DGKB: variants seen among roughly 807,000 people sequenced by gnomAD.
DGKB encodes 90 kDa diacylglycerol kinase.
A neutral mutation model predicts 114.3 loss-of-function variants in DGKB; 67 were observed. The observed-to-expected ratio is 0.59, with a 90% CI of 0.48 to 0.72. The LOEUF is 0.72. Among genes scored for constraint, DGKB ranks in the 30% least tolerant of loss-of-function variants. The pLI is 0.00. For synonymous variants in DGKB, 398 were observed against 323.1 expected (o/e 1.23, Z -2.49); for missense variants, 907 against 975.2 (o/e 0.93, Z 0.93).
At chr7:14,438,023 C>T (rs1829537525) in intron 21 of DGKB, among the ~76,000 whole-genome samples, 1 of 151,622 alleles carries the variant, frequency 6.6e-6, no homozygotes, top group African/African-American at 2.4e-5. Flanking sequence ...ATGACAAAGC[C>T]TTATTATCTA....
At chr7:14,475,654 A>T (rs1337079294) in intron 21 of DGKB, among the ~76,000 whole-genome samples, 2 of 152,048 alleles carry the variant, frequency 1.3e-5, no homozygotes, top group Non-Finnish European at 2.9e-5. Flanking sequence ...TCTAGCAAAG[A>T]CTCCCTATAA....
intron 9 of DGKB, among the ~76,000 whole-genome samples, chr7:14,693,403 T>C (rs886992618): frequency 2.6e-5 from 4 of 152,058 alleles, no homozygotes; most frequent in African/African-American, 9.7e-5. Flanking sequence ...CATTATTATA[T>C]TACATTCTCA....
chr7:14,388,901 T>C (rs1478247534), intron 21 of DGKB, among the ~76,000 whole-genome samples: 6 of 152,300 alleles, frequency 3.9e-5, no homozygotes, highest in East Asian at 1.9e-4. Context: ...AGGGCTTTTA[T>C]ATAGAATTTC....
intron 21 of DGKB, among the ~76,000 whole-genome samples, chr7:14,369,313 T>C (rs1256473900): frequency 2.0e-5 from 3 of 152,186 alleles, no homozygotes; most frequent in African/African-American, 7.2e-5. Context: ...CTTTATCCAG[T>C]CTATCATTGA....
intron 14 of DGKB, among the ~76,000 whole-genome samples, 193 bp downstream of exon 14, chr7:14,630,043 A>G (rs552949495): frequency 6.6e-6 from 1 of 152,206 alleles, no homozygotes; most frequent in African/African-American, 2.4e-5. Flanking sequence ...ATATAGATGG[A>G]AAATTCTTCA....
chr7:14,351,279 A>G (rs944569177), intron 21 of DGKB, among the ~76,000 whole-genome samples: 5 of 152,202 alleles, frequency 3.3e-5, no homozygotes, highest in African/African-American at 1.2e-4. Flanking sequence ...TTTAAAAAAT[A>G]CACCACAAGT....
At chr7:14,243,224 A>C (rs989349585) in intron 23 of DGKB, among the ~76,000 whole-genome samples, 1 of 152,194 alleles carries the variant, frequency 6.6e-6, no homozygotes, top group Non-Finnish European at 1.5e-5. Context: ...AATGTTGCCA[A>C]AACTATGCCC....
chr7:14,292,951 C>T (rs961668180), intron 23 of DGKB, among the ~76,000 whole-genome samples: 3 of 152,096 alleles, frequency 2.0e-5, no homozygotes, highest in East Asian at 3.9e-4. Flanking sequence ...GTATTCTGGG[C>T]TTCTCTGGAT....
intron 1 of DGKB, among the ~76,000 whole-genome samples, chr7:14,879,042 G>C (rs781754246): frequency 1.3e-5 from 2 of 151,754 alleles, no homozygotes; most frequent in African/African-American, 4.9e-5. Flanking sequence ...TTATGTTATA[G>C]TAAATTAAAT....
chr7:14,277,499 T>G (rs1430382359), intron 23 of DGKB, among the ~76,000 whole-genome samples: 1 of 152,196 alleles, frequency 6.6e-6, no homozygotes, highest in Admixed American at 6.5e-5. Flanking sequence ...AGATTCCACA[T>G]ACATGTGAAA....
At chr7:14,487,990 C>T (rs113858877) in intron 20 of DGKB, among the ~76,000 whole-genome samples, 1 of 152,032 alleles carries the variant, frequency 6.6e-6, no homozygotes, top group Non-Finnish European at 1.5e-5. Context: ...AACTTATGAA[C>T]ATTGTAATGG....
chr7:14,705,357 G>C (rs1383910369), intron 6 of DGKB, among the ~76,000 whole-genome samples: 7 of 149,222 alleles, frequency 4.7e-5, no homozygotes, highest in African/African-American at 1.7e-4. Context: ...GTACCTGAAA[G>C]TGATGGGGAG....
chr7:14,214,330 C>A (rs1177036062), intron 23 of DGKB, among the ~76,000 whole-genome samples: 1 of 152,018 alleles, frequency 6.6e-6, no homozygotes, highest in Admixed American at 6.6e-5. Flanking sequence ...CACGCTCTTT[C>A]TTCTTTTGGG....
chr7:14,478,236 A>G lies in DGKB; in HGVS notation c.1771-11T>C. 6.5e-7 allele frequency: 1 copy of G among 1,549,884 alleles called. No individual in the cohort carries two copies. Among genetic ancestry groups the G allele is most frequent in the South Asian group, 1.2e-5 (1 of 81,300 alleles). On this transcript the variant is annotated splice_polypyrimidine_tract_variant and intron_variant, in intron 20 of 25. Coordinates refer to ENST00000402815, the MANE Select transcript of DGKB (RefSeq NM_001350709.2). Reference sequence around the variant, plus strand: ...TGCAATGGAGGCATCCTAAGGGGAGAAAATAGAAAACAAAAACAGGATGGT... The same window carrying G: ...TGCAATGGAGGCATCCTAAGGGGAGGAAATAGAAAACAAAAACAGGATGGT...
intron 1 of DGKB, among the ~76,000 whole-genome samples, chr7:14,948,350 A>T (rs1372985549): frequency 6.6e-6 from 1 of 151,812 alleles, no homozygotes; most frequent in Non-Finnish European, 1.5e-5. Flanking sequence ...AGACACAACT[A>T]AGCCTCTGCA....
intron 25 of DGKB, among the ~76,000 whole-genome samples, chr7:14,164,745 G>A (rs936524644): frequency 2.0e-5 from 3 of 152,014 alleles, no homozygotes; most frequent in Admixed American, 2.0e-4. Flanking sequence ...AATAACATGG[G>A]TTTAACTTTT....
intron 21 of DGKB, among the ~76,000 whole-genome samples, chr7:14,412,318 G>A (rs1825022210): frequency 6.6e-6 from 1 of 152,170 alleles, no homozygotes; most frequent in East Asian, 1.9e-4. Flanking sequence ...CTCTAAAATA[G>A]ATTTCAAATT....
chr7:14,635,320 A>T (rs1810529025), intron 13 of DGKB, among the ~76,000 whole-genome samples: 1 of 151,302 alleles, frequency 6.6e-6, no homozygotes, highest in Admixed American at 6.6e-5. Flanking sequence ...CAGAATTTTA[A>T]AAAATAAAAA....
At chr7:14,270,679 A>G (rs1214331887) in intron 23 of DGKB, among the ~76,000 whole-genome samples, 1 of 152,254 alleles carries the variant, frequency 6.6e-6, no homozygotes, top group African/African-American at 2.4e-5. Context: ...AAACATATAC[A>G]TAAGAAATAT....
Sources: gnomAD v4.1 joint callset for allele counts (sites outside exome capture counted in the v4.1 genomes callset) on GRCh38, gnomAD v4.1.1 for gene constraint, MANE v1.5 for transcripts, NCBI Gene and HGNC (gene_info 2026-07-23, HGNC 2026-07-21) for gene names.